Variants in SMC1B observed in about 807,000 individuals in gnomAD.
SMC1B encodes the protein structural maintenance of chromosomes 1B.
Under a neutral mutation model 157.9 loss-of-function variants are expected in SMC1B, and 60 were observed. That is an observed-to-expected ratio of 0.38 (90% confidence interval 0.31 to 0.47). SMC1B has a LOEUF of 0.47. Ranked by LOEUF, SMC1B falls within the 20% of genes least tolerant of loss-of-function variation. The pLI, the probability that SMC1B is intolerant of heterozygous loss-of-function variation, is 0.99. For missense variants in SMC1B, 1,165 were observed against 1,426.2 expected (o/e 0.82, Z 2.95); for synonymous variants, 445 against 483.0 (o/e 0.92, Z 1.03).
intron 1 of SMC1B, among the ~76,000 whole-genome samples, chr22:45,411,247 A>T (rs1339883451): frequency 6.6e-6 from 1 of 152,240 alleles, no homozygotes; most frequent in African/African-American, 2.4e-5. Context: ...GTGAAATATT[A>T]TTTGAAAATA....
At chr22:45,394,800 C>T (rs1403725598) in intron 7 of SMC1B, 33 bp from the exon 8 acceptor site, 40 of 1,477,486 alleles carry the variant, frequency 2.7e-5, no homozygotes, top group East Asian at 1.5e-4. Context: ...AAATCAATTA[C>T]GGCAATTCCA....
At chr22:45,350,254 C>CT (rs66465413) in intron 22 of SMC1B, among the ~76,000 whole-genome samples, 55,545 of 131,090 alleles carry the variant, frequency 0.42, 12,858 homozygotes, top group Non-Finnish European at 0.55. Flanking sequence ...CTCCTGAGTT[C>CT]TTTTTTTTTT....
chr22:45,380,609 C>T (rs1400240513), intron 12 of SMC1B, among the ~76,000 whole-genome samples: 1 of 152,060 alleles, frequency 6.6e-6, no homozygotes, highest in Non-Finnish European at 1.5e-5. Context: ...TCATCTACTA[C>T]ATTTTACAGT....
intron 9 of SMC1B, 61 bp from the exon 10 acceptor site, chr22:45,389,958 T>C (rs9614656): frequency 0.027 from 37,856 of 1,399,406 alleles, 749 homozygotes; most frequent in African/African-American, 0.088. Context: ...ATATAATTCA[T>C]TATTTTCTAA....
intron 20 of SMC1B, among the ~76,000 whole-genome samples, chr22:45,354,722 G>A (rs1296172074): frequency 6.6e-6 from 1 of 151,262 alleles, no homozygotes; most frequent in African/African-American, 2.4e-5. Context: ...CAATTTTTTT[G>A]GTATTAAAAA....
In SMC1B at chr22:45,383,552, T is replaced by C. The variant is rs1187226897; in HGVS notation, c.1973A>G (p.Asp658Gly). Reference sequence around the variant, plus strand: ...CCAGCATCTAGCCTTGTATTTTAAGTCACTTGACCCTCCAGAGATCACTCC... The same window carrying C: ...CCAGCATCTAGCCTTGTATTTTAAGCCACTTGACCCTCCAGAGATCACTCC... Reference protein sequence around the residue: ...KSGVISGGSSDLKYKARCWDE... With the variant: ...KSGVISGGSSGLKYKARCWDE... Residue 658 changes from aspartate (D) to glycine (G), a missense_variant, in exon 12 of 25, where the codon GAC (aspartate) becomes GGC (glycine). Physicochemically the swap from Asp to Gly is moderately conservative, Grantham distance 94. Transcript: ENST00000357450. The C allele has an allele frequency of 6.2e-7, 1 of 1,610,572 alleles. No individual in the cohort carries two copies. Among genetic ancestry groups the C allele is most frequent in the Admixed American group, 1.7e-5 (1 of 58,900 alleles).
chr22:45,407,094 C>T (rs2087270953), intron 2 of SMC1B, among the ~76,000 whole-genome samples: 1 of 152,152 alleles, frequency 6.6e-6, no homozygotes, highest in Admixed American at 6.5e-5. Flanking sequence ...ATCTGAAGAG[C>T]ATATATCCTA....
intron 1 of SMC1B, among the ~76,000 whole-genome samples, chr22:45,409,436 G>A (rs1016280599): frequency 1.3e-4 from 19 of 151,996 alleles, no homozygotes; most frequent in Non-Finnish European, 2.5e-4. Flanking sequence ...TTGGTGGCAC[G>A]CACCTGTAGT....
intron 5 of SMC1B, 113 bp from the exon 6 acceptor site, chr22:45,399,466 C>T: frequency 1.9e-6 from 2 of 1,040,940 alleles, no homozygotes; most frequent in South Asian, 1.7e-5. Context: ...AATCAACTTT[C>T]AGAGACTGTA....
At chr22:45,353,918 A>AAAAAC (rs2086642068) in intron 21 of SMC1B, 60 bp downstream of exon 21, 1 of 862,250 alleles carries the variant, frequency 1.2e-6, no homozygotes, top group Non-Finnish European at 1.7e-6. Context: ...AAAAAAAAAA[A>AAAAAC]AACAACCACC....
chr22:45,372,097 C>T, intron 13 of SMC1B, 58 bp downstream of exon 13: 2 of 1,415,290 alleles, frequency 1.4e-6, no homozygotes, highest in South Asian at 2.8e-5. Context: ...AAATGTAATT[C>T]CTGAAATTCT....
chr22:45,375,266 C>T (rs983529065), intron 12 of SMC1B, among the ~76,000 whole-genome samples: 2 of 152,192 alleles, frequency 1.3e-5, no homozygotes, highest in Non-Finnish European at 2.9e-5. Flanking sequence ...CCTGCCTTTG[C>T]TTCCAGTTGT....
chr22:45,366,844 CT>C (rs1335699228), intron 15 of SMC1B, among the ~76,000 whole-genome samples: 1 of 152,176 alleles, frequency 6.6e-6, no homozygotes, highest in Non-Finnish European at 1.5e-5. Context: ...TCCTTTCATT[CT>C]TTTTTTCTCT....
chr22:45,396,365 C>A lies in SMC1B; in HGVS notation c.1235G>T (p.Arg412Met). 1 of 1,612,798 alleles carries A rather than the reference C, an allele frequency of 6.2e-7. No individual in the cohort carries two copies. The highest frequency in any genetic ancestry group is 8.5e-7 in the Non-Finnish European group (1 of 1,179,444). ...TDEERLAFEK[R>M]RHGEVQGNLK... ...AGACACCTGAACTTCTCCATGCCTC[C>A]TCTTTTCAAATGCCAGTCTTTCTTC... Residue 412 changes from arginine (R) to methionine (M), a missense_variant, in exon 7 of 25, where the codon AGG (arginine) becomes ATG (methionine). Arg to Met is a moderately conservative substitution (Grantham distance 91). Transcript: ENST00000357450.
At chr22:45,409,999 T>C (rs1444295032) in intron 1 of SMC1B, among the ~76,000 whole-genome samples, 1 of 152,204 alleles carries the variant, frequency 6.6e-6, no homozygotes, top group East Asian at 1.9e-4. Context: ...CGCTGCACAT[T>C]GAGTCTTTAG....
At chr22:45,393,288 T>A (rs1018249265) in intron 9 of SMC1B, among the ~76,000 whole-genome samples, 2 of 152,072 alleles carry the variant, frequency 1.3e-5, no homozygotes, top group Admixed American at 1.3e-4. Context: ...AATAAAACCA[T>A]GAAAAACATG....
At chr22:45,384,866 G>A (rs2086974807) in intron 11 of SMC1B, among the ~76,000 whole-genome samples, 1 of 151,980 alleles carries the variant, frequency 6.6e-6, no homozygotes, top group Non-Finnish European at 1.5e-5. Flanking sequence ...ATTCCAGGTG[G>A]TAACCAGCAA....
chr22:45,365,553 A>G (rs1460468241), intron 15 of SMC1B, among the ~76,000 whole-genome samples: 1 of 152,012 alleles, frequency 6.6e-6, no homozygotes, highest in East Asian at 1.9e-4. Context: ...AAAAATACAA[A>G]AATTAGCTGG....
intron 12 of SMC1B, among the ~76,000 whole-genome samples, chr22:45,380,035 C>A (rs2086921204): frequency 6.6e-6 from 1 of 152,136 alleles, no homozygotes; most frequent in Non-Finnish European, 1.5e-5. Flanking sequence ...TTGCTCCCAG[C>A]CACTTAAGAG....
Sources: allele counts gnomAD v4.1 joint callset (sites outside exome capture counted in the v4.1 genomes callset), GRCh38; gene constraint gnomAD v4.1.1; transcripts MANE v1.5; gene names NCBI Gene and HGNC (gene_info 2026-07-23, HGNC 2026-07-21).